The following EPB41L4A variants were observed in gnomAD, a reference collection of about 807,000 sequenced individuals.
EPB41L4A encodes band 4.1-like protein 4A.
EPB41L4A carries 100 observed loss-of-function variants against 108.6 expected under a neutral mutation model. The observed-to-expected ratio is 0.92, with a 90% CI of 0.78 to 1.09. The LOEUF (loss-of-function observed/expected upper bound fraction) is 1.09, where lower values mean the gene tolerates loss of function less well. EPB41L4A is among the 50% of genes least tolerant of loss of function. The pLI is 0.00. For synonymous variants in EPB41L4A, 319 were observed against 289.0 expected, an observed-to-expected ratio of 1.10 and a Z score of -1.05; for missense variants, 1,030 against 842.7, an observed-to-expected ratio of 1.22 and a Z score of -2.75.
Position 112,418,976 on chromosome 5 carries a change from T to C in EPB41L4A, c.64A>G (p.Lys22Glu). The change falls in exon 1 of 23, where the codon AAG (lysine) becomes GAG (glutamate). Residue 22 changes from lysine to glutamate, a missense_variant. Transcript: ENST00000261486. ...TGCTGCTGGGTGGTAAGGGTTAACT[T>C]GGATTCATCCAGGAGCAAAACTTCG... The part of the protein sequence containing the change: ...YCEVLLLDES[K>E]LTLTTQQQGI... 6.2e-7 allele frequency: 1 copy of C among 1,613,382 alleles called. No homozygotes were observed. Among genetic ancestry groups the C allele is most frequent in the Non-Finnish European group, 8.5e-7 (1 of 1,179,632 alleles).
intron 13 of EPB41L4A, among the ~76,000 whole-genome samples, chr5:112,207,603 A>T (rs1322357558): frequency 6.6e-6 from 1 of 152,182 alleles, no homozygotes; most frequent in Non-Finnish European, 1.5e-5. Flanking sequence ...CCATTAAAAA[A>T]TGGGCAAAGG....
chr5:112,170,942 C>G lies in EPB41L4A; in HGVS notation c.1670+3G>C, dbSNP rs780346446. On this transcript the variant is annotated splice_donor_region_variant and intron_variant, in intron 19 of 22. Transcript: ENST00000261486. ...AACAATAAGAAAGAAAACTATTACT[C>G]ACTGAATGTGCTTCCATAACTCTTC... 1.2e-6 allele frequency: 2 copies of G among 1,612,578 alleles called. No individual in the cohort carries two copies. Among genetic ancestry groups the G allele is most frequent in the African/African-American group, 2.7e-5 (2 of 74,898 alleles).
downstream of EPB41L4A, chr5:112,158,419 A>G: frequency 4.6e-6 from 2 of 438,292 alleles, no homozygotes; most frequent in South Asian, 1.7e-5. Context: ...GAGGAAACTC[A>G]GGCTCACAAT....
At chr5:112,143,190 G>C (rs1185559444) in exon 14 of EPB41L4A, 1 of 152,168 alleles carries the variant, frequency 6.6e-6, no homozygotes, top group African/African-American at 2.4e-5. Flanking sequence ...ACCCAACCAA[G>C]ACAAAGACTT....
intron 9 of EPB41L4A, among the ~76,000 whole-genome samples, chr5:112,243,258 CATATATATATGTGTGTGT>C (rs1398331867): frequency 7.2e-6 from 1 of 139,730 alleles, no homozygotes; most frequent in African/African-American, 2.8e-5. Context: ...CACACACACA[CATATATATATGTGTGTGT>C]ATATATATAT....
chr5:112,306,065 G>A (rs978691565), intron 2 of EPB41L4A, among the ~76,000 whole-genome samples: 2 of 152,116 alleles, frequency 1.3e-5, no homozygotes, highest in African/African-American at 2.4e-5. Context: ...GATAGAGACC[G>A]ACAAGGTCTA....
chr5:112,264,352 T>C (rs1165263087), intron 6 of EPB41L4A: 1 of 152,394 alleles, frequency 6.6e-6, no homozygotes, highest in African/African-American at 2.4e-5. Flanking sequence ...ACTGGCATCA[T>C]CACTATTTCC....
At chr5:112,225,793 C>T (rs1209007522) in intron 12 of EPB41L4A, among the ~76,000 whole-genome samples, 1 of 152,224 alleles carries the variant, frequency 6.6e-6, no homozygotes, top group East Asian at 1.9e-4. Context: ...CGTATCTGTA[C>T]ATACAAATGT....
chr5:112,161,900 T>C (rs1483006300), downstream of EPB41L4A: 1 of 185,226 alleles, frequency 5.4e-6, no homozygotes, highest in Non-Finnish European at 1.1e-5. Flanking sequence ...CTGTAGCTAT[T>C]AAGGTGAGTT....
intron 9 of EPB41L4A, among the ~76,000 whole-genome samples, chr5:112,243,093 AATCCCAGCTAT>A (rs1749918630): frequency 6.6e-6 from 1 of 152,058 alleles, no homozygotes; most frequent in Non-Finnish European, 1.5e-5. Context: ...AGGCGCCTGT[AATCCCAGCTAT>A]TTCGGAGGCT....
chr5:112,330,238 C>T, intron 1 of EPB41L4A, among the ~76,000 whole-genome samples: 1 of 151,816 alleles, frequency 6.6e-6, no homozygotes, highest in Non-Finnish European at 1.5e-5. Context: ...ATTTGCAGGG[C>T]AGTCCCTGGG....
chr5:112,160,405 T>C (rs959759735), downstream of EPB41L4A: 1 of 152,238 alleles, frequency 6.6e-6, no homozygotes, highest in Admixed American at 6.5e-5. Context: ...ACAGAAACCT[T>C]GCCTGGCTCA....
At position 112,205,510 on chromosome 5, in the gene EPB41L4A, A is replaced by AT; in HGVS notation, c.1179-7dup. ...CATTCTTTGCTTTCTTAAAGCTTTAATTTTAAAAAAAAGTATGAGAAATAA... is the reference window on the plus strand; with the variant it reads ...CATTCTTTGCTTTCTTAAAGCTTTAATTTTTAAAAAAAAGTATGAGAAATAA... On this transcript the variant is annotated splice_polypyrimidine_tract_variant and splice_region_variant and intron_variant, in intron 13 of 22. Transcript: ENST00000261486. 6.3e-7 allele frequency: 1 copy of AT among 1,584,256 alleles called. No individual in the cohort carries two copies. Among genetic ancestry groups the AT allele is most frequent in the Non-Finnish European group, 8.6e-7 (1 of 1,163,058 alleles).
intron 1 of EPB41L4A, among the ~76,000 whole-genome samples, chr5:112,368,321 C>G (rs886498325): frequency 3.8e-4 from 58 of 152,092 alleles, no homozygotes; most frequent in African/African-American, 1.3e-3. Flanking sequence ...GCCATTCTTT[C>G]CACCGTATGT....
intron 1 of EPB41L4A, among the ~76,000 whole-genome samples, chr5:112,391,501 T>C (rs1160149184): frequency 6.6e-6 from 1 of 151,818 alleles, no homozygotes; most frequent in East Asian, 1.9e-4. Flanking sequence ...ATCAAATTAA[T>C]GAAATGAAAC....
intron 12 of EPB41L4A, among the ~76,000 whole-genome samples, chr5:112,231,701 C>T (rs1398702453): frequency 7.1e-6 from 1 of 140,992 alleles, no homozygotes. Flanking sequence ...AGGAGAATGG[C>T]GTGAACCCGG....
At chr5:112,187,007 C>G (rs1392411154) in intron 17 of EPB41L4A, among the ~76,000 whole-genome samples, 3 of 152,084 alleles carry the variant, frequency 2.0e-5, no homozygotes, top group Non-Finnish European at 4.4e-5. Flanking sequence ...ATGGGGGATC[C>G]AAATAGTTTT....
Position 112,307,279 on chromosome 5 carries a change from C to A in EPB41L4A, c.204+107G>T, listed in dbSNP as rs1754750557. ...AAAACATGTTTGAGATTTTCAAAGT[C>A]TTTTTCAGTGACAAAGAACCTAACC... On this transcript the variant is annotated intron_variant, in intron 2 of 22. Transcript: ENST00000261486. 5 of 675,540 alleles carry A rather than the reference C, an allele frequency of 7.4e-6. No homozygotes were observed. The East Asian group carries it at 8.1e-5, about 11-fold the overall frequency. 41.8% of individuals were successfully genotyped at this position (675,540 alleles called of 1,614,324 possible).
At chr5:112,159,337 G>A (rs1226514264), downstream of EPB41L4A, among the ~76,000 whole-genome samples, 1 of 152,104 alleles carries the variant, frequency 6.6e-6, no homozygotes, top group African/African-American at 2.4e-5. Context: ...CTGGTCTCTG[G>A]ATGAATCTCT....
Sources: allele counts gnomAD v4.1 joint callset (sites outside exome capture counted in the v4.1 genomes callset), GRCh38; gene constraint gnomAD v4.1.1; transcripts MANE v1.5; gene names NCBI Gene and HGNC (gene_info 2026-07-23, HGNC 2026-07-21).